CLBA1: variants seen among roughly 807,000 people sequenced by gnomAD.
CLBA1 encodes the protein clathrin binding box of aftiphilin containing 1, also known as uncharacterized protein CLBA1.
In CLBA1, 30 loss-of-function variants were observed where a neutral mutation model predicts 28.8. That is an observed-to-expected ratio of 1.04 (90% CI 0.78 to 1.41). The LOEUF (loss-of-function observed/expected upper bound fraction) is 1.41. CLBA1 is among the 40% of genes most tolerant of loss of function. The pLI is 0.00. For missense variants in CLBA1, 451 were observed against 412.3 expected (o/e 1.09, Z -0.81); for synonymous variants, 160 against 152.8 (o/e 1.05, Z -0.35).
At chr14:104,987,570 G>A (rs1242468704) in intron 1 of CLBA1, among the ~76,000 whole-genome samples, 1 of 129,954 alleles carries the variant, frequency 7.7e-6, no homozygotes, top group Non-Finnish European at 1.6e-5. Context: ...TAAAGATATT[G>A]TAGTTCTCAG....
At chr14:104,998,444 A>C (rs530301048), downstream of CLBA1, among the ~76,000 whole-genome samples, 1 of 152,204 alleles carries the variant, frequency 6.6e-6, no homozygotes, top group South Asian at 2.1e-4. Flanking sequence ...AAGTAGTAAA[A>C]GTTGGTTAAC....
At chr14:104,995,634 C>A, downstream of CLBA1, 1 of 332,952 alleles carries the variant, frequency 3.0e-6, no homozygotes, top group Non-Finnish European at 4.3e-6. Context: ...GCCAAGGCCA[C>A]ACAGGGGACC....
intron 2 of CLBA1, among the ~76,000 whole-genome samples, chr14:105,000,781 C>T (rs906162391): frequency 1.3e-5 from 2 of 152,006 alleles, no homozygotes; most frequent in African/African-American, 4.8e-5. Context: ...AATGGGAATG[C>T]TTGTGCACTG....
At chr14:104,996,385 A>G (rs1484551407), downstream of CLBA1, among the ~76,000 whole-genome samples, 2 of 152,234 alleles carry the variant, frequency 1.3e-5, no homozygotes, top group Non-Finnish European at 2.9e-5. Context: ...AGGACCCTGC[A>G]ACAGGCAAGT....
chr14:104,994,173 C>T (rs1000970133), intron 4 of CLBA1: 21 of 985,292 alleles, frequency 2.1e-5, no homozygotes, highest in Admixed American at 6.1e-5. Context: ...AAGAAATGTT[C>T]GTGGCTGTGT....
intron 3 of CLBA1, 99 bp downstream of exon 3, chr14:104,991,719 G>A: frequency 6.9e-7 from 1 of 1,442,256 alleles, no homozygotes; most frequent in Non-Finnish European, 9.3e-7. Context: ...TGCAGGCAGA[G>A]GTGTGGGTTC....
At chr14:104,987,330 G>A (rs1172854297) in intron 1 of CLBA1, among the ~76,000 whole-genome samples, 1 of 152,180 alleles carries the variant, frequency 6.6e-6, no homozygotes, top group Non-Finnish European at 1.5e-5. Flanking sequence ...AATGAATTGG[G>A]TGATGCCCAT....
chr14:104,998,095 T>C (rs1900187003), downstream of CLBA1, among the ~76,000 whole-genome samples: 1 of 151,808 alleles, frequency 6.6e-6, no homozygotes, highest in Admixed American at 6.6e-5. Flanking sequence ...ACACCAGTTA[T>C]CTGAAGAGGA....
chr14:104,996,970 TTA>T (rs1379531724), downstream of CLBA1, among the ~76,000 whole-genome samples: 2 of 152,196 alleles, frequency 1.3e-5, no homozygotes, highest in Admixed American at 1.3e-4. Context: ...GATTGTTCTT[TTA>T]TATGAACTGT....
Position 104,986,561 on chromosome 14 carries a change from G to C in CLBA1, c.130G>C (p.Asp44His). The change falls in exon 1 of 5, where the codon GAC becomes CAC. Residue 44 changes from aspartate to histidine, a missense_variant. Coordinates refer to ENST00000547315, the MANE Select transcript of CLBA1 (RefSeq NM_174891.4). Reference protein sequence around the residue: ...DSLEWRRTCPDLLLSDGKASI... With the variant: ...DSLEWRRTCPHLLLSDGKASI... Reference sequence around the variant, plus strand: ...TTTGGAATGGAGACGGACCTGCCCCGACCTTCTCCTGTCCGATGGGAAAGC... The same window carrying C: ...TTTGGAATGGAGACGGACCTGCCCCCACCTTCTCCTGTCCGATGGGAAAGC... 4 of 1,613,968 alleles carry C rather than the reference G, an allele frequency of 2.5e-6. No homozygotes were observed. The highest frequency in any genetic ancestry group is 3.4e-6 in the Non-Finnish European group (4 of 1,180,008).
intron 2 of CLBA1, chr14:104,991,190 AT>A: frequency 8.4e-6 from 2 of 237,598 alleles, no homozygotes; most frequent in Non-Finnish European, 1.7e-5. Context: ...ACGCCCGGCT[AT>A]TTTTTTGTAT....
chr14:104,997,048 T>C (rs1245538480), downstream of CLBA1, among the ~76,000 whole-genome samples: 1 of 151,942 alleles, frequency 6.6e-6, no homozygotes, highest in Non-Finnish European at 1.5e-5. Flanking sequence ...CAGTGAGCAG[T>C]AGAAGCAGAG....
Position 104,986,467 on chromosome 14 carries a change from G to A in CLBA1, c.36G>A (p.Leu12=), listed in dbSNP as rs377403388. Residue 12 remains leucine, a synonymous_variant, in exon 1 of 5, where the codon TTG becomes TTA. Coordinates refer to ENST00000547315, the MANE Select transcript of CLBA1 (RefSeq NM_174891.4). ...QGRRELGGEP[L]SDLQEEAASA... ...GGCGGGAGCTGGGGGGAGAGCCTTT[G>A]AGTGACCTCCAGGAGGAAGCAGCCA... The A allele has an allele frequency of 1.2e-6, 2 of 1,613,072 alleles. No homozygotes were observed. Among genetic ancestry groups the A allele is most frequent in the African/African-American group, 1.3e-5 (1 of 74,936 alleles).
chr14:104,994,437 G>A lies in CLBA1; in HGVS notation c.817-161G>A, dbSNP rs1046550031. ...AAGCCCCAGCATGTTTTCCCTGGGC[G>A]CCTCTCTGGTGACATCCCATGATGA... is the stretch of plus-strand genomic sequence containing the variant. On this transcript the variant is annotated intron_variant, in intron 4 of 4. Coordinates refer to ENST00000547315, the MANE Select transcript of CLBA1 (RefSeq NM_174891.4). 2.3e-5 allele frequency: 23 copies of A among 985,484 alleles called. No homozygotes were observed. In the African/African-American group the frequency reaches 3.1e-4, roughly 13 times the overall value. The allele number at this position is 985,484 out of a possible 1,614,324, so 61.0% of individuals were successfully genotyped here. A position where few individuals can be genotyped will look rare whatever the true frequency, so the allele number is the denominator to read the frequency against.
chr14:104,986,840 G>A lies in CLBA1; in HGVS notation c.409G>A (p.Val137Ile), dbSNP rs372562813. 1.7e-5 allele frequency: 28 copies of A among 1,612,880 alleles called. No homozygotes were observed. Among genetic ancestry groups the A allele is most frequent in the African/African-American group, 4.0e-5 (3 of 74,854 alleles). Residue 137 changes from valine to isoleucine, a missense_variant, in exon 1 of 5, where the codon GTC (valine) becomes ATC (isoleucine). Transcript: ENST00000547315. ...GGPWVTGTSA[V>I]PPSEPILSYE... ...ACCTTGGGTGACAGGAACTTCTGCC[G>A]TCCCACCTTCTGAGGTATTTCTGCT... is the stretch of plus-strand genomic sequence containing the variant.
In CLBA1 at chr14:104,992,931, G is replaced by A; in HGVS notation, c.700-17G>A. The A allele has an allele frequency of 6.4e-7, 1 of 1,569,080 alleles. No homozygotes were observed. The highest frequency in any genetic ancestry group is 8.8e-7 in the Non-Finnish European group (1 of 1,138,898). On this transcript the variant is annotated splice_polypyrimidine_tract_variant and intron_variant, in intron 3 of 4. Coordinates refer to ENST00000547315, the MANE Select transcript of CLBA1 (RefSeq NM_174891.4). ...ATGATGACTGTACCGGCTGTCTGAT[G>A]GGGTCTGTCTCCTTAGAACCTTTCT...
At chr14:104,999,522 G>A (rs566201528), downstream of CLBA1, 455 of 152,468 alleles carry the variant, frequency 3.0e-3, 2 homozygotes, top group Non-Finnish European at 5.4e-3. Context: ...TTCAGGGTGG[G>A]GTGCATCCAG....
downstream of CLBA1, among the ~76,000 whole-genome samples, chr14:104,998,859 G>C (rs1361202389): frequency 1.3e-5 from 2 of 152,258 alleles, no homozygotes; most frequent in Non-Finnish European, 2.9e-5. Flanking sequence ...GCAAACACGG[G>C]GCATGCTGGG....
Position 104,994,934 on chromosome 14 carries a change from G to A in CLBA1, c.*175G>A. The A allele has an allele frequency of 7.4e-7, 1 of 1,349,410 alleles. No homozygotes were observed. The highest frequency in any genetic ancestry group is 9.5e-7 in the Non-Finnish European group (1 of 1,053,192). 83.6% of individuals were successfully genotyped at this position (1,349,410 alleles called of 1,614,324 possible). On this transcript the variant is annotated 3_prime_UTR_variant, in exon 5 of 5. Transcript: ENST00000547315. ...CTTGTCTCGGGTCTGACCAGGAGATGGAGGATGTGTCCTTGGCAGAGCCAA... is the reference window on the plus strand; with the variant it reads ...CTTGTCTCGGGTCTGACCAGGAGATAGAGGATGTGTCCTTGGCAGAGCCAA...
Sources: gnomAD v4.1 joint callset for allele counts (sites outside exome capture counted in the v4.1 genomes callset) on GRCh38, gnomAD v4.1.1 for gene constraint, MANE v1.5 for transcripts, NCBI Gene and HGNC (gene_info 2026-07-23, HGNC 2026-07-21) for gene names.